Variants in MED13L observed in about 807,000 individuals in gnomAD.
MED13L encodes mediator of RNA polymerase II transcription subunit 13-like.
Under a neutral mutation model 220.9 loss-of-function variants are expected in MED13L, and 7 were observed. The ratio of observed to expected loss-of-function variants is 0.03; its 90% CI spans 0.02 to 0.06. The LOEUF (loss-of-function observed/expected upper bound fraction) is 0.06, where lower values mean the gene tolerates loss of function less well. Ranked by LOEUF, MED13L falls within the 10% of genes least tolerant of loss-of-function variation. MED13L has a pLI of 1.00. For missense variants in MED13L, 1,965 were observed against 2,760.5 expected, an observed-to-expected ratio of 0.71 and a Z score of 6.46; for synonymous variants, 1,011 against 1,015.2, an observed-to-expected ratio of 1.00 and a Z score of 0.08.
chr12:116,043,630 C>T (rs1279946471), intron 4 of MED13L, among the ~76,000 whole-genome samples: 4 of 152,120 alleles, frequency 2.6e-5, no homozygotes, highest in Non-Finnish European at 4.4e-5. Context: ...AACTGGGAAC[C>T]AAGAGTATAC....
intron 3 of MED13L, among the ~76,000 whole-genome samples, chr12:116,100,598 CAAAAAAAAAAAAA>C (rs760855189): frequency 2.9e-5 from 2 of 68,004 alleles, no homozygotes; most frequent in African/African-American, 5.7e-5. Flanking sequence ...GACTCCGTCT[CAAAAAAAAAAAAA>C]AAAAAAAAAA....
chr12:116,087,979 C>T (rs930297404), intron 4 of MED13L, among the ~76,000 whole-genome samples: 5 of 152,080 alleles, frequency 3.3e-5, no homozygotes, highest in African/African-American at 1.2e-4. Flanking sequence ...CCTTCCACTC[C>T]AACATGACAC....
intron 4 of MED13L, among the ~76,000 whole-genome samples, chr12:116,026,200 C>T (rs928201668): frequency 3.9e-5 from 6 of 152,104 alleles, no homozygotes; most frequent in African/African-American, 1.4e-4. Context: ...TGCAAAATAA[C>T]AGGCAGTTAA....
Position 115,963,399 on chromosome 12 carries a change from G to C in MED13L, c.6500+8C>G. ...TTGCACTGCTATGATGCCTAGGTTG[G>C]TATCTACCTTAAAACATCCGACGTG... On this transcript the variant is annotated splice_region_variant and intron_variant, in intron 30 of 30. Transcript: ENST00000281928. 6.3e-7 allele frequency: 1 copy of C among 1,579,108 alleles called. No homozygotes were observed. The highest frequency in any genetic ancestry group is 8.7e-7 in the Non-Finnish European group (1 of 1,148,146).
At chr12:116,263,699 T>C (rs186365539) in intron 1 of MED13L, among the ~76,000 whole-genome samples, 8 of 152,296 alleles carry the variant, frequency 5.3e-5, no homozygotes, top group Non-Finnish European at 1.2e-4. Flanking sequence ...ACAGGATACA[T>C]TTATTTATAT....
intron 2 of MED13L, among the ~76,000 whole-genome samples, chr12:116,189,927 GTTT>G (rs993560053): frequency 6.6e-6 from 1 of 152,012 alleles, no homozygotes; most frequent in Admixed American, 6.5e-5. Context: ...AGTTCTAGAT[GTTT>G]TTTTGGGGGG....
At chr12:116,276,912 G>A (rs1482961147) in intron 1 of MED13L, 148 bp downstream of exon 1, 9 of 1,007,638 alleles carry the variant, frequency 8.9e-6, no homozygotes, top group African/African-American at 1.6e-5. Context: ...CGATCCAAAA[G>A]GGGGAGAATC....
At chr12:116,029,955 T>A (rs11067885) in intron 4 of MED13L, among the ~76,000 whole-genome samples, 51 of 151,504 alleles carry the variant, frequency 3.4e-4, no homozygotes, top group African/African-American at 1.2e-3. Flanking sequence ...TCTTTTTGGG[T>A]TTTTTGTTTG....
chr12:116,093,749 G>C (rs1872438594), intron 4 of MED13L, among the ~76,000 whole-genome samples: 1 of 151,896 alleles, frequency 6.6e-6, no homozygotes, highest in Non-Finnish European at 1.5e-5. Flanking sequence ...TTAGAAATAA[G>C]AGCTTTTCTA....
intron 8 of MED13L, among the ~76,000 whole-genome samples, chr12:116,013,825 TCTGCCCTCCA>T (rs1879564332): frequency 6.6e-6 from 1 of 152,242 alleles, no homozygotes; most frequent in East Asian, 1.9e-4. Context: ...TCTCCCACTC[TCTGCCCTCCA>T]CTGCCCTCCT....
At chr12:116,035,688 T>C (rs1388926948) in intron 4 of MED13L, among the ~76,000 whole-genome samples, 1 of 152,006 alleles carries the variant, frequency 6.6e-6, no homozygotes, top group Non-Finnish European at 1.5e-5. Context: ...CCTCCCAAGA[T>C]CCAGCGATTC....
In MED13L at chr12:115,996,692, A is replaced by C. The variant is rs1326468138; in HGVS notation, c.2791-11T>G. Reference sequence around the variant, plus strand: ...CACATATGAAAAGTCCTGTGACAACAAAGTGGGGTCAGTGTTAATATTGGT... The same window carrying C: ...CACATATGAAAAGTCCTGTGACAACCAAGTGGGGTCAGTGTTAATATTGGT... On this transcript the variant is annotated splice_polypyrimidine_tract_variant and intron_variant, in intron 15 of 30. Coordinates refer to ENST00000281928, the MANE Select transcript of MED13L (RefSeq NM_015335.5). 1 of 1,606,760 alleles carries C rather than the reference A, an allele frequency of 6.2e-7. No homozygotes were observed. Among genetic ancestry groups the C allele is most frequent in the Admixed American group, 1.7e-5 (1 of 59,984 alleles).
At chr12:116,066,442 C>A (rs1337871842) in intron 4 of MED13L, among the ~76,000 whole-genome samples, 2 of 152,158 alleles carry the variant, frequency 1.3e-5, no homozygotes, top group Non-Finnish European at 1.5e-5. Context: ...GGACTCACAT[C>A]TTTAGCCTTG....
At chr12:116,049,099 G>A (rs1882005240) in intron 4 of MED13L, among the ~76,000 whole-genome samples, 1 of 152,152 alleles carries the variant, frequency 6.6e-6, no homozygotes, top group African/African-American at 2.4e-5. Flanking sequence ...ACAGGAACAG[G>A]TTACAGTATT....
At chr12:116,225,083 A>C (rs1383554530) in intron 2 of MED13L, among the ~76,000 whole-genome samples, 1 of 152,160 alleles carries the variant, frequency 6.6e-6, no homozygotes, top group Non-Finnish European at 1.5e-5. Context: ...CTATAATTCT[A>C]AATGTGTGGG....
At chr12:116,186,424 T>C (rs2138246367) in intron 2 of MED13L, among the ~76,000 whole-genome samples, 2 of 152,342 alleles carry the variant, frequency 1.3e-5, no homozygotes, top group Admixed American at 1.3e-4. Context: ...TGAAGTTCTA[T>C]ACCTGCTTTT....
rs370795699 is a variant in MED13L, at chr12:116,006,361, C to A, written c.2289G>T (p.Thr763=). The change falls in exon 12 of 31, where the codon ACG becomes ACT. Residue 763 remains threonine (T), a synonymous_variant. Transcript: ENST00000281928. The part of the protein sequence containing the change: ...TKDVTTPGHS[T]PVPDGKNAMS... ...TGGCATTTTTCCCATCAGGCACCGG[C>A]GTGGAATGACCTGGTGTAGTGACAT... is the stretch of plus-strand genomic sequence containing the variant. 1.9e-6 allele frequency: 3 copies of A among 1,613,924 alleles called. No homozygotes were observed. In the African/African-American group the frequency reaches 4.0e-5, roughly 22 times the overall value.
chr12:116,220,822 T>C (rs1565935053), intron 2 of MED13L, among the ~76,000 whole-genome samples: 1 of 152,208 alleles, frequency 6.6e-6, no homozygotes, highest in Non-Finnish European at 1.5e-5. Flanking sequence ...AGGTAAAATT[T>C]TAGGCATAAT....
intron 4 of MED13L, among the ~76,000 whole-genome samples, chr12:116,087,277 G>A (rs1871776543): frequency 6.6e-6 from 1 of 151,960 alleles, no homozygotes; most frequent in Admixed American, 6.6e-5. Context: ...AAAAAGGCAA[G>A]CTTAAGTGAG....
Sources: allele counts gnomAD v4.1 joint callset (sites outside exome capture counted in the v4.1 genomes callset), GRCh38; gene constraint gnomAD v4.1.1; transcripts MANE v1.5; gene names NCBI Gene and HGNC (gene_info 2026-07-23, HGNC 2026-07-21).